Variants in NTNG2 observed in about 807,000 individuals in gnomAD.
NTNG2 encodes the protein netrin G2, also known as netrin-G2.
A neutral mutation model predicts 47.6 loss-of-function variants in NTNG2; 15 were observed. The observed-to-expected ratio is 0.32, with a 90% CI of 0.21 to 0.49. The LOEUF is 0.49. NTNG2 is among the 20% of genes least tolerant of loss of function. The probability of loss-of-function intolerance (pLI) is 0.99; values close to 1 mark genes in which losing one functional copy is unlikely to be tolerated. For synonymous variants in NTNG2, 307 were observed against 324.6 expected (o/e 0.95, Z 0.58); for missense variants, 578 against 764.6 (o/e 0.76, Z 2.88).
At chr9:132,187,555 G>C (rs1033610882) in intron 2 of NTNG2, among the ~76,000 whole-genome samples, 1 of 127,280 alleles carries the variant, frequency 7.9e-6, no homozygotes, top group Non-Finnish European at 1.6e-5. Flanking sequence ...CACACACAGA[G>C]AGCGAGAGGG....
chr9:132,181,022 C>T (rs1393657132), intron 2 of NTNG2, among the ~76,000 whole-genome samples: 1 of 152,220 alleles, frequency 6.6e-6, no homozygotes, highest in Non-Finnish European at 1.5e-5. Context: ...CTTCTGGGGG[C>T]TCTTCTACCC....
At chr9:132,227,688 C>A (rs1840882779) in intron 4 of NTNG2, among the ~76,000 whole-genome samples, 1 of 152,208 alleles carries the variant, frequency 6.6e-6, no homozygotes, top group African/African-American at 2.4e-5. Context: ...CTCTGCCCAC[C>A]CCTCTCCTGT....
chr9:132,202,387 G>A (rs956046797), intron 3 of NTNG2, among the ~76,000 whole-genome samples: 4 of 152,280 alleles, frequency 2.6e-5, no homozygotes, highest in Admixed American at 2.0e-4. Flanking sequence ...GGGACAGACT[G>A]AGCTGCAGCC....
At chr9:132,167,186 T>C in intron 2 of NTNG2, 142 bp downstream of exon 2, 1 of 830,422 alleles carries the variant, frequency 1.2e-6, no homozygotes, top group South Asian at 1.7e-5. Context: ...GGACCAGACC[T>C]GGACCAGGTC....
chr9:132,175,169 T>C (rs796820404), intron 2 of NTNG2, among the ~76,000 whole-genome samples: 5 of 152,102 alleles, frequency 3.3e-5, no homozygotes, highest in African/African-American at 1.2e-4. Context: ...GAGGAGACAG[T>C]CCACTCCCCC....
chr9:132,216,252 T>G (rs550279362), intron 3 of NTNG2, among the ~76,000 whole-genome samples: 1 of 152,246 alleles, frequency 6.6e-6, no homozygotes. Flanking sequence ...CTGCAAACAT[T>G]GAGCACCTAC....
intron 2 of NTNG2, among the ~76,000 whole-genome samples, chr9:132,173,455 C>A (rs962049566): frequency 2.6e-5 from 4 of 152,202 alleles, no homozygotes; most frequent in African/African-American, 9.6e-5. Context: ...GATGGGACAT[C>A]TTTCCAAAGA....
chr9:132,241,129 G>T (rs972646496), intron 7 of NTNG2, 85 bp downstream of exon 7: 167 of 1,437,300 alleles, frequency 1.2e-4, no homozygotes, highest in Non-Finnish European at 1.4e-4. Context: ...CTAGTGGGAC[G>T]GGGCAGGGGC....
At chr9:132,172,706 G>GCAGGAT (rs1292950062) in intron 2 of NTNG2, among the ~76,000 whole-genome samples, 19 of 149,732 alleles carry the variant, frequency 1.3e-4, no homozygotes, top group Non-Finnish European at 1.5e-5. Context: ...CTCAGAGGAG[G>GCAGGAT]CAGGATCAGG....
intron 2 of NTNG2, among the ~76,000 whole-genome samples, chr9:132,171,582 CAGTT>C (rs1835915225): frequency 6.6e-6 from 1 of 152,220 alleles, no homozygotes; most frequent in South Asian, 2.1e-4. Flanking sequence ...ACATCTTACT[CAGTT>C]AGAACCTGCT....
In NTNG2 at chr9:132,198,022, C is replaced by T. The variant is rs768602899; in HGVS notation, c.270C>T (p.His90=). 1.2e-6 allele frequency: 2 copies of T among 1,613,628 alleles called. No individual in the cohort carries two copies. The highest frequency in any genetic ancestry group is 1.1e-5 in the South Asian group (1 of 91,088). The change falls in exon 3 of 8, where the codon CAC becomes CAT. Residue 90 remains histidine, a synonymous_variant. Transcript: ENST00000393229. The part of the protein sequence containing the change: ...ECDASNPDLA[H]PPRLMFDKEE... ...ACGCCTCCAACCCGGACCTGGCCCA[C>T]CCGCCCAGGCTCATGTTCGACAAGG...
chr9:132,239,013 C>T lies in NTNG2; in HGVS notation c.1055-91C>T, dbSNP rs1160499384. 3.0e-6 allele frequency: 4 copies of T among 1,336,422 alleles called. No individual in the cohort carries two copies. The African/African-American group carries it at 4.3e-5, about 14-fold the overall frequency. 82.8% of individuals were successfully genotyped at this position (1,336,422 alleles called of 1,614,324 possible). On this transcript the variant is annotated intron_variant, in intron 5 of 7. Coordinates refer to ENST00000393229, the MANE Select transcript of NTNG2 (RefSeq NM_032536.4). ...CCAAAGATGCCTTCCTCCGTCCCTG[C>T]ATGACCTGGGGTGAGTCCTTCCTCG... is the stretch of plus-strand genomic sequence containing the variant.
chr9:132,210,850 G>T (rs941737623), intron 3 of NTNG2, among the ~76,000 whole-genome samples: 9 of 152,144 alleles, frequency 5.9e-5, no homozygotes, highest in Non-Finnish European at 8.8e-5. Context: ...TTCATCCCAT[G>T]TGAAGCCTGT....
chr9:132,203,721 C>A (rs1838957973), intron 3 of NTNG2, among the ~76,000 whole-genome samples: 1 of 152,180 alleles, frequency 6.6e-6, no homozygotes, highest in Non-Finnish European at 1.5e-5. Context: ...ATTCGATGGG[C>A]CCAAGGCAGG....
rs186754629 is a variant in NTNG2 at position 132,162,906 on chromosome 9, G to C, written c.-484+667G>C. On this transcript the variant is annotated intron_variant, in intron 1 of 7. Coordinates refer to ENST00000393229, the MANE Select transcript of NTNG2 (RefSeq NM_032536.4). This position sits in a 1 kb window ranked among gnomAD's most constrained non-coding sequence, Gnocchi z 4.6. ...ACCTGGAACTGAGCGGCGCGCAGGT[G>C]GGGGGAGCAGAGGCGGCGGGAAGGC... 2.2e-3 allele frequency among the ~76,000 whole-genome samples: 342 copies of C among 152,234 alleles called. 2 individuals carry two copies. The highest frequency in any genetic ancestry group is 3.9e-3 in the Non-Finnish European group (266 of 68,014).
Position 132,208,321 on chromosome 9 carries a change from A to G in NTNG2, c.857+9712A>G, listed in dbSNP as rs960770708. ...GTGGTGGGTGAGTAAGATTCCAAAGAAGAGCAGGCAGGGCCAGATCACGCC... is the reference window on the plus strand; with the variant it reads ...GTGGTGGGTGAGTAAGATTCCAAAGGAGAGCAGGCAGGGCCAGATCACGCC... On this transcript the variant is annotated intron_variant, in intron 3 of 7. Transcript: ENST00000393229. The surrounding 1 kb of genome is among the most constrained non-coding windows in gnomAD (Gnocchi z 4.0). Among the ~76,000 whole-genome samples, 1 of 152,052 alleles carries G rather than the reference A, an allele frequency of 6.6e-6. No homozygotes were observed. The highest frequency in any genetic ancestry group is 1.5e-5 in the Non-Finnish European group (1 of 67,980).
intron 2 of NTNG2, among the ~76,000 whole-genome samples, chr9:132,178,215 C>G (rs1020507141): frequency 1.3e-5 from 2 of 151,566 alleles, no homozygotes; most frequent in Non-Finnish European, 2.9e-5. Flanking sequence ...TCATTTTCTT[C>G]TCCCTCTTTC....
intron 2 of NTNG2, among the ~76,000 whole-genome samples, chr9:132,188,213 G>T (rs1021379785): frequency 1.3e-5 from 2 of 152,212 alleles, no homozygotes; most frequent in African/African-American, 4.8e-5. Context: ...GGCCTCTCCT[G>T]GGCAGCCTCC....
intron 3 of NTNG2, among the ~76,000 whole-genome samples, chr9:132,213,826 G>A (rs960878695): frequency 6.6e-6 from 1 of 152,214 alleles, no homozygotes; most frequent in African/African-American, 2.4e-5. Flanking sequence ...AGAGCTCTGC[G>A]AGGCCAGTCT....
Sources: gnomAD v4.1 joint callset for allele counts (sites outside exome capture counted in the v4.1 genomes callset) on GRCh38, gnomAD v4.1.1 for gene constraint, Gnocchi (gnomAD v3.1) non-coding constraint, MANE v1.5 for transcripts, NCBI Gene and HGNC (gene_info 2026-07-23, HGNC 2026-07-21) for gene names.